PTPRD: variants seen among roughly 807,000 people sequenced by gnomAD.
PTPRD encodes receptor-type tyrosine-protein phosphatase delta.
PTPRD carries 34 observed loss-of-function variants against 214.5 expected under a neutral mutation model. The observed-to-expected ratio is 0.16, with a 90% CI of 0.12 to 0.21. PTPRD has a LOEUF of 0.21. PTPRD is among the 10% of genes least tolerant of loss of function. The pLI, the probability that PTPRD is intolerant of heterozygous loss-of-function variation, is 1.00. For synonymous variants in PTPRD, 1,128 were observed against 845.7 expected, an observed-to-expected ratio of 1.33 and a Z score of -5.79; for missense variants, 2,545 against 2,398.7, an observed-to-expected ratio of 1.06 and a Z score of -1.27.
At chr9:10,284,691 AG>A (rs1406526978) in intron 3 of PTPRD, among the ~76,000 whole-genome samples, 22 of 152,180 alleles carry the variant, frequency 1.4e-4, no homozygotes, top group African/African-American at 5.3e-4. Flanking sequence ...TATGAGGCTC[AG>A]GGTCTTCCAA....
At chr9:8,359,119 A>AC (rs1355139639) in intron 39 of PTPRD, among the ~76,000 whole-genome samples, 11 of 30,082 alleles carry the variant, frequency 3.7e-4, no homozygotes, top group Non-Finnish European at 1.1e-3. Context: ...AAAAAAAAAA[A>AC]AAACAAAAAA....
intron 7 of PTPRD, among the ~76,000 whole-genome samples, chr9:9,730,174 T>C (rs1223003677): frequency 6.6e-6 from 1 of 152,102 alleles, no homozygotes; most frequent in African/African-American, 2.4e-5. Flanking sequence ...TCTTGGAAAA[T>C]ACAATACTAC....
chr9:9,601,103 A>G lies in PTPRD; in HGVS notation c.-286-26322T>C, dbSNP rs902880723. On this transcript the variant is annotated intron_variant, in intron 7 of 45. Transcript: ENST00000381196. The stretch of plus-strand genomic sequence containing the variant: ...CAGGATAAATACACTGGGAAAAGAG[A>G]TTAATATATGTGTGTGTGTGTGTGT... 2.4e-5 allele frequency among the ~76,000 whole-genome samples: 3 copies of G among 126,826 alleles called. No homozygotes were observed. The Admixed American group carries it at 2.6e-4, about 11-fold the overall frequency. 83.2% of individuals were successfully genotyped at this position (126,826 alleles called of 152,430 possible).
At chr9:9,506,533 A>G (rs2096575281) in intron 8 of PTPRD, among the ~76,000 whole-genome samples, 1 of 151,316 alleles carries the variant, frequency 6.6e-6, no homozygotes, top group East Asian at 1.9e-4. Flanking sequence ...AGAAATGGGA[A>G]AGTTTTGTTT....
chr9:8,348,709 A>C (rs1406158612), intron 39 of PTPRD, among the ~76,000 whole-genome samples: 3 of 152,148 alleles, frequency 2.0e-5, no homozygotes, highest in Non-Finnish European at 4.4e-5. Flanking sequence ...GCACTAGTTC[A>C]AATTAAACAT....
At chr9:9,552,486 T>A (rs1310866993) in intron 8 of PTPRD, among the ~76,000 whole-genome samples, 1 of 152,082 alleles carries the variant, frequency 6.6e-6, no homozygotes, top group Non-Finnish European at 1.5e-5. Flanking sequence ...CTAAATGTAG[T>A]TCTTTATAAC....
At chr9:10,526,422 C>A (rs1371584103) in intron 2 of PTPRD, among the ~76,000 whole-genome samples, 4 of 151,806 alleles carry the variant, frequency 2.6e-5, no homozygotes, top group South Asian at 2.1e-4. Context: ...GAAAATCATA[C>A]CCATGCCAAT....
chr9:10,092,674 G>A (rs1040722482), intron 3 of PTPRD, among the ~76,000 whole-genome samples: 3 of 151,340 alleles, frequency 2.0e-5, no homozygotes, highest in South Asian at 2.1e-4. Flanking sequence ...GAACAAACCC[G>A]AGGCATCATA....
intron 11 of PTPRD, among the ~76,000 whole-genome samples, chr9:8,748,770 G>A (rs981438666): frequency 1.3e-5 from 2 of 152,028 alleles, no homozygotes; most frequent in African/African-American, 2.4e-5. Context: ...GATTAGCCAG[G>A]CATGGTGGCG....
At chr9:9,787,267 G>A (rs937014333) in intron 5 of PTPRD, among the ~76,000 whole-genome samples, 1 of 151,526 alleles carries the variant, frequency 6.6e-6, no homozygotes. Context: ...ACTCTCAGTA[G>A]TAAAATAGTT....
chr9:9,942,146 C>T (rs2091623381), intron 4 of PTPRD, among the ~76,000 whole-genome samples: 1 of 152,116 alleles, frequency 6.6e-6, no homozygotes. Context: ...CTCACCAAAA[C>T]CACATTGATT....
At chr9:10,060,930 TTCTTTCTTTC>T (rs1417966542) in intron 3 of PTPRD, among the ~76,000 whole-genome samples, 1 of 130,994 alleles carries the variant, frequency 7.6e-6, no homozygotes, top group Non-Finnish European at 1.5e-5. Context: ...CTTTCTTTCT[TTCTTTCTTTC>T]TTTCTTTCTT....
At chr9:8,539,139 T>G (rs776604284) in intron 14 of PTPRD, among the ~76,000 whole-genome samples, 5 of 151,932 alleles carry the variant, frequency 3.3e-5, no homozygotes, top group Admixed American at 6.6e-5. Flanking sequence ...TATAACACAC[T>G]GAATAAAATA....
intron 9 of PTPRD, among the ~76,000 whole-genome samples, chr9:9,394,666 T>C (rs961591503): frequency 1.3e-5 from 2 of 152,150 alleles, no homozygotes; most frequent in Non-Finnish European, 2.9e-5. Context: ...GTTATTATCA[T>C]TATCTTGTTA....
chr9:9,552,435 C>T (rs554930877), intron 8 of PTPRD, among the ~76,000 whole-genome samples: 1 of 152,160 alleles, frequency 6.6e-6, no homozygotes, highest in Admixed American at 6.6e-5. Context: ...GCTTTTCAAT[C>T]AAATCTTGAA....
At chr9:9,250,671 T>C (rs1281062821) in intron 9 of PTPRD, among the ~76,000 whole-genome samples, 1 of 152,062 alleles carries the variant, frequency 6.6e-6, no homozygotes, top group African/African-American at 2.4e-5. Context: ...GCCTTTTAGA[T>C]TGGCTCAGGG....
At chr9:9,177,103 G>C (rs2099925365) in intron 10 of PTPRD, among the ~76,000 whole-genome samples, 1 of 152,112 alleles carries the variant, frequency 6.6e-6, no homozygotes, top group South Asian at 2.1e-4. Context: ...AGTTTAGCAT[G>C]GTTGGGGAGG....
chr9:8,973,592 T>G (rs1332949874), intron 11 of PTPRD, among the ~76,000 whole-genome samples: 4 of 152,124 alleles, frequency 2.6e-5, no homozygotes, highest in Non-Finnish European at 5.9e-5. Flanking sequence ...GTAATGGGGT[T>G]GCTAGGTTGA....
rs572359352 is a variant in PTPRD, at chr9:9,407,651, C to T, written c.-236-10169G>A. ...TTCACTTTTAGTGCCACTGTTTATTCCCTCTGTAGTCTTCACGCTGCTAAG... is the reference window on the plus strand; with the variant it reads ...TTCACTTTTAGTGCCACTGTTTATTTCCTCTGTAGTCTTCACGCTGCTAAG... On this transcript the variant is annotated intron_variant, in intron 8 of 45. Transcript: ENST00000381196. 2.5e-4 allele frequency among the ~76,000 whole-genome samples: 38 copies of T among 151,812 alleles called. No homozygotes were observed. In the South Asian group the frequency reaches 7.5e-3, roughly 30 times the overall value.
Sources: gnomAD v4.1 joint callset for allele counts (sites outside exome capture counted in the v4.1 genomes callset) on GRCh38, gnomAD v4.1.1 for gene constraint, MANE v1.5 for transcripts, NCBI Gene and HGNC (gene_info 2026-07-23, HGNC 2026-07-21) for gene names.